SLC22A16: variants seen among roughly 807,000 people sequenced by gnomAD.
SLC22A16 encodes the protein solute carrier family 22 member 16, also known as WUGSC:RG331P03.1.
A neutral mutation model predicts 52.9 loss-of-function variants in SLC22A16; 53 were observed. The ratio of observed to expected loss-of-function variants is 1.00; its 90% CI spans 0.80 to 1.26. SLC22A16 has a LOEUF of 1.26. SLC22A16 is among the 50% of genes most tolerant of loss of function. The pLI is 0.00. For missense variants in SLC22A16, 726 were observed against 704.0 expected, an observed-to-expected ratio of 1.03 and a Z score of -0.35; for synonymous variants, 291 against 268.8, an observed-to-expected ratio of 1.08 and a Z score of -0.81.
intron 1 of SLC22A16, among the ~76,000 whole-genome samples, chr6:110,469,689 G>A (rs560691074): frequency 1.3e-5 from 2 of 152,288 alleles, no homozygotes; most frequent in South Asian, 2.1e-4. Context: ...TTAGTGAATC[G>A]CTGATGTAAA....
chr6:110,438,790 C>T lies in SLC22A16; in HGVS notation c.1241G>A (p.Arg414Lys). 1 of 1,614,156 alleles carries T rather than the reference C, an allele frequency of 6.2e-7. No homozygotes were observed. Among genetic ancestry groups the T allele is most frequent in the Non-Finnish European group, 8.5e-7 (1 of 1,180,018 alleles). ...FVCIAMDKVG[R>K]RTVLAYSLFC... ...AAGAGAGTAGGCCAGGACTGTTCTCCTCCCGACCTTGTCCATGGCGATGCA... is the reference window on the plus strand; with the variant it reads ...AAGAGAGTAGGCCAGGACTGTTCTCTTCCCGACCTTGTCCATGGCGATGCA... The change falls in exon 5 of 8, where the codon AGG becomes AAG. Residue 414 changes from arginine to lysine, a missense_variant. Transcript: ENST00000368919.
chr6:110,465,992 AACCAACTG>A (rs1776045778), intron 1 of SLC22A16, among the ~76,000 whole-genome samples: 1 of 152,198 alleles, frequency 6.6e-6, no homozygotes, highest in Non-Finnish European at 1.5e-5. Context: ...ACACACTGAC[AACCAACTG>A]ATCGTCAACA....
At chr6:110,472,403 T>C (rs561831999) in intron 1 of SLC22A16, among the ~76,000 whole-genome samples, 33 of 152,214 alleles carry the variant, frequency 2.2e-4, no homozygotes, top group African/African-American at 6.7e-4. Flanking sequence ...CCCTCTGCAC[T>C]GCAAAACCCA....
At chr6:110,460,557 G>A (rs978029314) in intron 1 of SLC22A16, among the ~76,000 whole-genome samples, 2 of 152,084 alleles carry the variant, frequency 1.3e-5, no homozygotes, top group Non-Finnish European at 2.9e-5. Flanking sequence ...CTCTGCCTTC[G>A]TGACCCTGGG....
chr6:110,431,210 G>A lies in SLC22A16; in HGVS notation c.1482C>T (p.Phe494=), dbSNP rs1774487124. Residue 494 remains phenylalanine, a synonymous_variant, in exon 7 of 8, where the codon TTC becomes TTT. Coordinates refer to ENST00000368919, the MANE Select transcript of SLC22A16 (RefSeq NM_033125.4). ...VCRLASILAP[F]SVDLSSIWIF... ...TCCAAATGCTGCTGAGGTCCACAGA[G>A]AACGGCGCCAGGATGCTGGCCAGGC... The A allele has an allele frequency of 6.2e-7, 1 of 1,613,844 alleles. No individual in the cohort carries two copies. Among genetic ancestry groups the A allele is most frequent in the Non-Finnish European group, 8.5e-7 (1 of 1,180,016 alleles).
chr6:110,454,563 TA>T (rs1483705019), intron 2 of SLC22A16, among the ~76,000 whole-genome samples: 1 of 112,762 alleles, frequency 8.9e-6, no homozygotes, highest in Non-Finnish European at 1.7e-5. Context: ...CTAATATATA[TA>T]TTATATATAA....
chr6:110,471,078 A>G (rs1200415247), intron 1 of SLC22A16, among the ~76,000 whole-genome samples: 1 of 152,226 alleles, frequency 6.6e-6, no homozygotes, highest in East Asian at 1.9e-4. Context: ...ATACACAGGT[A>G]GAGCCACATG....
intron 1 of SLC22A16, among the ~76,000 whole-genome samples, chr6:110,474,770 G>T (rs1776400492): frequency 1.3e-5 from 2 of 152,202 alleles, no homozygotes; most frequent in Admixed American, 1.3e-4. Context: ...GTCCTTGAAT[G>T]GTCTCGTGGC....
At chr6:110,471,899 A>G (rs1332578571) in intron 1 of SLC22A16, among the ~76,000 whole-genome samples, 1 of 152,188 alleles carries the variant, frequency 6.6e-6, no homozygotes, top group Non-Finnish European at 1.5e-5. Context: ...CTGCTGAGGC[A>G]CAGCTGGAAC....
rs772281496 is a variant in SLC22A16 at position 110,456,567 on chromosome 6, T to C, written c.504A>G (p.Gly168=). ...QPLFMFGVLL[G]SVTFGYFSDR... is the part of the protein sequence containing the mutation. ...CAGAAAAGTAGCCAAAAGTCACCGA[T>C]CCCAGTAGGACTCCAAACATAAATA... The change falls in exon 2 of 8, where the codon GGA becomes GGG. Residue 168 remains glycine, a synonymous_variant. Coordinates refer to ENST00000368919, the MANE Select transcript of SLC22A16 (RefSeq NM_033125.4). The C allele has an allele frequency of 1.2e-6, 2 of 1,614,102 alleles. No homozygotes were observed. The highest frequency in any genetic ancestry group is 1.7e-6 in the Non-Finnish European group (2 of 1,179,980).
chr6:110,425,394 A>C, intron 7 of SLC22A16: 1 of 1,332,854 alleles, frequency 7.5e-7, no homozygotes, highest in Non-Finnish European at 9.9e-7. Context: ...TGTGGTCAGA[A>C]AGAAAAAAGA....
In SLC22A16 at chr6:110,445,533, C is replaced by T. The variant is rs74477628; in HGVS notation, c.651+1340G>A. Among the ~76,000 whole-genome samples the T allele has an allele frequency of 4.9e-3, 746 of 152,284 alleles. 12 individuals are homozygous for T. The highest frequency in any genetic ancestry group is 0.017 in the African/African-American group (718 of 41,558). On this transcript the variant is annotated intron_variant, in intron 3 of 7. Coordinates refer to ENST00000368919, the MANE Select transcript of SLC22A16 (RefSeq NM_033125.4). ...TGTGTTGAGTAAATGAATCTGCCTG[C>T]ATCTCCCATCCACAGAATTCCCCCA...
Position 110,438,733 on chromosome 6 carries a change from A to G in SLC22A16, c.1298T>C (p.Met433Thr), listed in dbSNP as rs1582534488. 2.5e-6 allele frequency: 4 copies of G among 1,613,522 alleles called. No homozygotes were observed. The highest frequency in any genetic ancestry group is 3.4e-6 in the Non-Finnish European group (4 of 1,179,748). ...AAGATAACTCACCTGGGGGATCACCATAACGACACCACAGGCCAGTGCACT... is the reference window on the plus strand; with the variant it reads ...AAGATAACTCACCTGGGGGATCACCGTAACGACACCACAGGCCAGTGCACT... ...FCSALACGVVMVIPQKHYILG... is the reference protein window; with the variant it reads ...FCSALACGVVTVIPQKHYILG... The change falls in exon 5 of 8, where the codon ATG (methionine) becomes ACG (threonine). Residue 433 changes from methionine (M) to threonine (T), a missense_variant. By Grantham distance (81) the Met-to-Thr change is moderately conservative. Transcript: ENST00000368919.
rs183274186 is a variant in SLC22A16, at chr6:110,470,202, G to T, written c.53+6320C>A. Among the ~76,000 whole-genome samples, 3 of 152,242 alleles carry T rather than the reference G, an allele frequency of 2.0e-5. No homozygotes were observed. In the East Asian group the frequency reaches 5.8e-4, roughly 29 times the overall value. On this transcript the variant is annotated intron_variant, in intron 1 of 7. Coordinates refer to ENST00000368919, the MANE Select transcript of SLC22A16 (RefSeq NM_033125.4). ...TCCTCTTGAAACTAAATTTTGTTGA[G>T]AGCCTAAGGAGCACCCTATAATAAC...
intron 1 of SLC22A16, among the ~76,000 whole-genome samples, chr6:110,463,432 A>G (rs925969286): frequency 6.9e-6 from 1 of 145,442 alleles, no homozygotes; most frequent in Non-Finnish European, 1.5e-5. Context: ...GGGTAAAAAG[A>G]TATGTCATGC....
chr6:110,454,882 TA>T, intron 2 of SLC22A16, among the ~76,000 whole-genome samples: 1 of 85,340 alleles, frequency 1.2e-5, no homozygotes, highest in African/African-American at 4.8e-5. Flanking sequence ...ATAATATATA[TA>T]TTATAATATA....
intron 3 of SLC22A16, among the ~76,000 whole-genome samples, chr6:110,445,046 C>A (rs1482307028): frequency 6.6e-6 from 1 of 152,132 alleles, no homozygotes; most frequent in African/African-American, 2.4e-5. Flanking sequence ...CCATCCCTTC[C>A]ACTGATAATA....
intron 2 of SLC22A16, among the ~76,000 whole-genome samples, chr6:110,455,022 A>G (rs1439097987): frequency 1.6e-5 from 2 of 122,888 alleles, no homozygotes; most frequent in African/African-American, 6.2e-5. Flanking sequence ...AAATATATAT[A>G]TAATTTCACT....
chr6:110,461,411 C>A (rs2115004465), intron 1 of SLC22A16, among the ~76,000 whole-genome samples: 1 of 152,226 alleles, frequency 6.6e-6, no homozygotes, highest in Middle Eastern at 3.4e-3. Flanking sequence ...TGGTGCAGCC[C>A]CCTGCTGGCC....
Sources: gnomAD v4.1 joint callset for allele counts (sites outside exome capture counted in the v4.1 genomes callset) on GRCh38, gnomAD v4.1.1 for gene constraint, MANE v1.5 for transcripts, NCBI Gene and HGNC (gene_info 2026-07-23, HGNC 2026-07-21) for gene names.